The following NEK3 variants were observed in gnomAD, a reference collection of about 807,000 sequenced individuals.
The protein encoded by NEK3 is NIMA related kinase 3.
A neutral mutation model predicts 66.0 loss-of-function variants in NEK3; 54 were observed. The observed-to-expected ratio is 0.82, with a 90% CI of 0.66 to 1.03. The LOEUF (loss-of-function observed/expected upper bound fraction) is 1.03. NEK3 is among the 50% of genes least tolerant of loss of function. NEK3 has a pLI of 0.00. For synonymous variants in NEK3, 200 were observed against 206.2 expected, an observed-to-expected ratio of 0.97 and a Z score of 0.26; for missense variants, 593 against 603.0, an observed-to-expected ratio of 0.98 and a Z score of 0.17.
chr13:52,143,628 T>G (rs935348122), intron 10 of NEK3, among the ~76,000 whole-genome samples: 1 of 152,074 alleles, frequency 6.6e-6, no homozygotes, highest in Non-Finnish European at 1.5e-5. Context: ...AGAAGAAGCC[T>G]TCTACCTGAC....
At chr13:52,144,583 T>C in intron 9 of NEK3, 108 bp downstream of exon 9, 1 of 865,792 alleles carries the variant, frequency 1.2e-6, no homozygotes, top group Non-Finnish European at 1.8e-6. Context: ...TATACTTCTG[T>C]ATCATTTGGA....
At position 52,154,117 on chromosome 13, in the gene NEK3, T is replaced by C; in HGVS notation, c.174A>G (p.Lys58=). 1 of 1,612,102 alleles carries C rather than the reference T, an allele frequency of 6.2e-7. No individual in the cohort carries two copies. The highest frequency in any genetic ancestry group is 8.5e-7 in the Non-Finnish European group (1 of 1,178,860). Residue 58 remains lysine (K), a synonymous_variant, in exon 3 of 16, where the codon AAA becomes AAG. Transcript: ENST00000610828. ...CTTTGAAGGCAACAATATTAGGGTG[T>C]TTCATTTTGGCTAAAAGAACAGCCT... ...RKEAVLLAKM[K]HPNIVAFKES... is the part of the protein sequence containing the mutation.
At chr13:52,154,254 C>G (rs1159129727) in intron 2 of NEK3, 81 bp from the exon 3 acceptor site, 1 of 834,506 alleles carries the variant, frequency 1.2e-6, no homozygotes, top group Non-Finnish European at 1.8e-6. Context: ...GTTTATATGA[C>G]ACTTTAATGC....
At position 52,154,177 on chromosome 13, in the gene NEK3, G is replaced by GA; in HGVS notation, c.118-5dup. 6.4e-7 allele frequency: 1 copy of GA among 1,565,180 alleles called. No homozygotes were observed. The highest frequency in any genetic ancestry group is 8.7e-7 in the Non-Finnish European group (1 of 1,147,518). On this transcript the variant is annotated splice_polypyrimidine_tract_variant and splice_region_variant and intron_variant, in intron 2 of 15. Coordinates refer to ENST00000610828, the MANE Select transcript of NEK3 (RefSeq NM_002498.3). ...AATTCTGTGTATTAGAGAAAGACTA[G>GA]AAAAACATTTTAAATAAGCATAAAC... is the stretch of plus-strand genomic sequence containing the variant.
chr13:52,145,481 T>A (rs1594026178), intron 8 of NEK3, among the ~76,000 whole-genome samples: 1 of 152,062 alleles, frequency 6.6e-6, no homozygotes, highest in Non-Finnish European at 1.5e-5. Flanking sequence ...TTTTTAAATT[T>A]TTTTTTCTTT....
intron 11 of NEK3, among the ~76,000 whole-genome samples, chr13:52,140,214 C>CAAAA (rs397851494): frequency 2.6e-5 from 2 of 76,820 alleles, no homozygotes; most frequent in Non-Finnish European, 2.4e-5. Context: ...GACCCTATCT[C>CAAAA]AAAAAAAAAA....
At chr13:52,136,471 C>A (rs1400121294) in intron 12 of NEK3, among the ~76,000 whole-genome samples, 2 of 151,824 alleles carry the variant, frequency 1.3e-5, no homozygotes, top group Non-Finnish European at 2.9e-5. Flanking sequence ...ATTACAGTGA[C>A]TGAGTTAAAA....
chr13:52,148,095 C>T (rs1956309194), intron 8 of NEK3: 1 of 214,688 alleles, frequency 4.7e-6, no homozygotes, highest in African/African-American at 2.3e-5. Context: ...GAATTGTATA[C>T]TTAAAAATGG....
intron 11 of NEK3, among the ~76,000 whole-genome samples, chr13:52,140,395 T>C (rs2138194263): frequency 6.6e-6 from 1 of 151,986 alleles, no homozygotes; most frequent in East Asian, 1.9e-4. Context: ...CATCACAAGG[T>C]GAGGAGATCG....
Position 52,143,954 on chromosome 13 carries a change from C to A in NEK3, c.838G>T (p.Glu280Ter). The change falls in exon 10 of 16, where the codon GAA (glutamate) becomes TAA (stop). Residue 280 changes from glutamate (E) to a stop codon, truncating the protein, a stop_gained. Transcript: ENST00000610828. LOFTEE classifies it high-confidence loss of function. ...IMEYGEEVLE[E>*]IKNSKHNTPR... ...GTGTTATGCTTCGAATTTTTTATTT[C>A]TTCTAATACTTCCTCACCATATTCC... The A allele has an allele frequency of 6.7e-7, 1 of 1,501,770 alleles. No individual in the cohort carries two copies. The highest frequency in any genetic ancestry group is 1.7e-4 in the Middle Eastern group (1 of 5,846). The allele number at this position is 1,501,770 out of a possible 1,614,324, so 93.0% of individuals were successfully genotyped here. A position where few individuals can be genotyped will look rare whatever the true frequency, so the allele number is the denominator to read the frequency against.
At chr13:52,134,905 C>A (rs941025273) in intron 14 of NEK3, among the ~76,000 whole-genome samples, 1 of 152,156 alleles carries the variant, frequency 6.6e-6, no homozygotes, top group Non-Finnish European at 1.5e-5. Flanking sequence ...ATCCTTAGGG[C>A]AGGAATTGTG....
intron 13 of NEK3, 25 bp from the exon 14 acceptor site, chr13:52,135,888 G>C (rs755504021): frequency 1.2e-6 from 2 of 1,600,232 alleles, no homozygotes; most frequent in Non-Finnish European, 1.7e-6. Context: ...ACAAAAATTA[G>C]TGCTGAATAA....
chr13:52,141,308 A>G (rs895814703), intron 10 of NEK3, among the ~76,000 whole-genome samples: 15 of 152,196 alleles, frequency 9.9e-5, no homozygotes, highest in African/African-American at 3.6e-4. Context: ...AAAAGTTAAA[A>G]GACATCTCTA....
At chr13:52,138,028 C>T (rs1566850898) in intron 11 of NEK3, among the ~76,000 whole-genome samples, 3 of 152,186 alleles carry the variant, frequency 2.0e-5, no homozygotes. Flanking sequence ...GATGGAAATT[C>T]TTTTCTTTTT....
chr13:52,147,927 C>T (rs541298859), intron 8 of NEK3, among the ~76,000 whole-genome samples: 13 of 152,146 alleles, frequency 8.5e-5, no homozygotes, highest in South Asian at 2.1e-4. Flanking sequence ...ACCCAGGAGG[C>T]GGAGGTTGCA....
intron 10 of NEK3, among the ~76,000 whole-genome samples, chr13:52,142,846 A>G (rs1426610009): frequency 6.6e-6 from 1 of 152,236 alleles, no homozygotes; most frequent in African/African-American, 2.4e-5. Flanking sequence ...TTCAGAAGGA[A>G]ATCACTGATG....
At position 52,137,841 on chromosome 13, in the gene NEK3, T is replaced by C. The variant is rs943871131; in HGVS notation, c.928-939A>G. Among the ~76,000 whole-genome samples, 2 of 152,208 alleles carry C rather than the reference T, an allele frequency of 1.3e-5. 1 individual carries two copies. The highest frequency in any genetic ancestry group is 3.8e-4 in the East Asian group (2 of 5,202). On this transcript the variant is annotated intron_variant, in intron 11 of 15. Transcript: ENST00000610828. ...GTCCTTTGCTGGCCTGCACACAAGT[T>C]TTCCTACCTCAAGTCCTCCATTCCC...
Position 52,133,245 on chromosome 13 carries a change from G to A in NEK3, c.1437-19C>T, listed in dbSNP as rs778084225. On this transcript the variant is annotated intron_variant, in intron 15 of 15. Coordinates refer to ENST00000610828, the MANE Select transcript of NEK3 (RefSeq NM_002498.3). Reference sequence around the variant, plus strand: ...AAAGTCCCTGTGAAAAAACAATTTGGACCATAAACCTCTACATTAGGGGCA... The same window carrying A: ...AAAGTCCCTGTGAAAAAACAATTTGAACCATAAACCTCTACATTAGGGGCA... 1 of 1,578,884 alleles carries A rather than the reference G, an allele frequency of 6.3e-7. No individual in the cohort carries two copies. Among genetic ancestry groups the A allele is most frequent in the East Asian group, 2.3e-5 (1 of 44,048 alleles).
At chr13:52,141,372 A>C (rs1398884136) in intron 10 of NEK3, among the ~76,000 whole-genome samples, 1 of 152,232 alleles carries the variant, frequency 6.6e-6, no homozygotes, top group Non-Finnish European at 1.5e-5. Flanking sequence ...CTGCATACTT[A>C]AGGTTATTTT....
Sources: allele counts gnomAD v4.1 joint callset (sites outside exome capture counted in the v4.1 genomes callset), GRCh38; gene constraint gnomAD v4.1.1; transcripts MANE v1.5; gene names NCBI Gene and HGNC (gene_info 2026-07-23, HGNC 2026-07-21).